Variants in USH2A observed in about 807,000 individuals in gnomAD.
USH2A encodes Usher syndrome 2A (autosomal recessive, mild).
USH2A carries 443 observed loss-of-function variants against 538.9 expected under a neutral mutation model. The observed-to-expected ratio is 0.82, with a 90% CI of 0.76 to 0.89. The LOEUF (loss-of-function observed/expected upper bound fraction) is 0.89, where lower values mean the gene tolerates loss of function less well. Among genes scored for constraint, USH2A ranks in the 40% least tolerant of loss-of-function variants. USH2A has a pLI of 0.00. For synonymous variants in USH2A, 2,413 were observed against 2,273.5 expected (o/e 1.06, Z -1.75); for missense variants, 6,633 against 6,324.8 (o/e 1.05, Z -1.65).
chr1:215,964,766 G>A (rs111834885), intron 37 of USH2A, among the ~76,000 whole-genome samples: 2 of 152,054 alleles, frequency 1.3e-5, no homozygotes, highest in Non-Finnish European at 2.9e-5. Context: ...CTAACTTATT[G>A]AATCAGATAG....
In USH2A at chr1:216,046,497, G is replaced by C; in HGVS notation, c.6259C>G (p.Gln2087Glu). ...CTCCCATCCATGTATAAACAGTACT[G>C]AGTTATAATACCATTTGCCTTTTTG... ...PPKKANGIITQYCLYMDGRLI... is the reference protein window; with the variant it reads ...PPKKANGIITEYCLYMDGRLI... The change falls in exon 32 of 72, where the codon CAG becomes GAG. Residue 2087 changes from glutamine (Q) to glutamate (E), a missense_variant. Physicochemically the swap from Gln to Glu is conservative, Grantham distance 29 (BLOSUM62 2). Transcript: ENST00000307340. 1 of 1,613,834 alleles carries C rather than the reference G, an allele frequency of 6.2e-7. No homozygotes were observed. The highest frequency in any genetic ancestry group is 8.5e-7 in the Non-Finnish European group (1 of 1,179,824).
chr1:216,072,863 A>C, intron 29 of USH2A, 26 bp downstream of exon 29: 1 of 1,581,794 alleles, frequency 6.3e-7, no homozygotes, highest in Non-Finnish European at 8.7e-7. Context: ...GTGTGTGCAC[A>C]TATGCATTTG....
intron 21 of USH2A, among the ~76,000 whole-genome samples, chr1:216,154,769 T>C (rs1343094756): frequency 2.0e-5 from 3 of 152,224 alleles, no homozygotes; most frequent in Non-Finnish European, 4.4e-5. Flanking sequence ...CTTTCCTTTG[T>C]ATTGCTTACT....
At chr1:216,262,899 AAAAAAAG>A (rs1329784849) in intron 11 of USH2A, among the ~76,000 whole-genome samples, 1 of 152,062 alleles carries the variant, frequency 6.6e-6, no homozygotes, top group Non-Finnish European at 1.5e-5. Flanking sequence ...CTAGACTGAG[AAAAAAAG>A]AAAAAAGACT....
At chr1:216,134,058 G>C (rs1015305075) in intron 21 of USH2A, among the ~76,000 whole-genome samples, 1 of 152,050 alleles carries the variant, frequency 6.6e-6, no homozygotes, top group Non-Finnish European at 1.5e-5. Context: ...TACTAATACA[G>C]AGTCTTTTTG....
intron 21 of USH2A, among the ~76,000 whole-genome samples, chr1:216,119,124 T>C (rs1018019674): frequency 6.6e-6 from 1 of 151,766 alleles, no homozygotes; most frequent in African/African-American, 2.4e-5. Flanking sequence ...TAGGATGGTC[T>C]TATATGAACT....
At chr1:215,927,487 A>T (rs1666264660) in intron 38 of USH2A, among the ~76,000 whole-genome samples, 1 of 152,160 alleles carries the variant, frequency 6.6e-6, no homozygotes, top group African/African-American at 2.4e-5. Flanking sequence ...ATGTGTTCTA[A>T]ATTAAAGTTG....
At chr1:216,231,249 TTATATATATAA>T (rs1453533432) in intron 14 of USH2A, among the ~76,000 whole-genome samples, 8 of 83,746 alleles carry the variant, frequency 9.6e-5, no homozygotes, top group African/African-American at 3.7e-4. Flanking sequence ...TATATATATA[TTATATATATAA>T]TATATATATA....
chr1:215,683,216 TACACACACACACACACACACACACAC>T (rs71167830), intron 61 of USH2A, among the ~76,000 whole-genome samples: 1 of 149,578 alleles, frequency 6.7e-6, no homozygotes, highest in Non-Finnish European at 1.5e-5. Flanking sequence ...AATAGTTTTA[TACACACACACACACACACACACACAC>T]ACACACACAC....
chr1:216,158,902 TCAGAGTGGAGGTCCTA>T (rs1223618086), intron 21 of USH2A, among the ~76,000 whole-genome samples: 1 of 152,196 alleles, frequency 6.6e-6, no homozygotes, highest in Non-Finnish European at 1.5e-5. Flanking sequence ...TTTGTAGTTT[TCAGAGTGGAGGTCCTA>T]CATTACCTTT....
chr1:215,837,856 CA>C (rs1663574600), intron 47 of USH2A, 134 bp downstream of exon 47: 1 of 756,320 alleles, frequency 1.3e-6, no homozygotes, highest in Non-Finnish European at 2.3e-6. Context: ...GAAATAATAT[CA>C]AAAATTTGAT....
chr1:216,181,136 A>C (rs543032407), intron 20 of USH2A, among the ~76,000 whole-genome samples: 2 of 152,240 alleles, frequency 1.3e-5, no homozygotes, highest in East Asian at 1.9e-4. Context: ...TATTACTAGA[A>C]GATCTGGAAA....
intron 44 of USH2A, among the ~76,000 whole-genome samples, chr1:215,851,372 A>T (rs1289761988): frequency 2.0e-5 from 3 of 152,162 alleles, no homozygotes; most frequent in Non-Finnish European, 4.4e-5. Context: ...GAGACATTAC[A>T]ACTGATACCA....
intron 64 of USH2A, among the ~76,000 whole-genome samples, chr1:215,651,344 T>C (rs571924721): frequency 1.3e-5 from 2 of 152,188 alleles, no homozygotes; most frequent in Non-Finnish European, 2.9e-5. Context: ...AGTAAGTAAT[T>C]TGTAGAATGT....
chr1:215,638,417 C>A (rs1241029729), intron 69 of USH2A, among the ~76,000 whole-genome samples: 1 of 151,432 alleles, frequency 6.6e-6, no homozygotes, highest in African/African-American at 2.4e-5. Flanking sequence ...GTCAGGAGTT[C>A]GAGACCTCCC....
At chr1:216,205,410 C>T (rs2035089264) in intron 16 of USH2A, among the ~76,000 whole-genome samples, 4 of 152,116 alleles carry the variant, frequency 2.6e-5, no homozygotes, top group Admixed American at 2.6e-4. Context: ...TCATGAAGTT[C>T]AGAGTTTCCA....
At chr1:215,872,525 A>G (rs1664649944) in intron 43 of USH2A, among the ~76,000 whole-genome samples, 1 of 152,208 alleles carries the variant, frequency 6.6e-6, no homozygotes, top group African/African-American at 2.4e-5. Flanking sequence ...TGTCATCACC[A>G]TGAGAAAGAA....
At chr1:216,226,543 C>T (rs1283444563) in intron 14 of USH2A, among the ~76,000 whole-genome samples, 3 of 152,186 alleles carry the variant, frequency 2.0e-5, no homozygotes, top group African/African-American at 7.2e-5. Context: ...CCAAAGCAGT[C>T]TATTGTCTCT....
chr1:216,213,963 G>C (rs1313162027), intron 15 of USH2A, among the ~76,000 whole-genome samples: 1 of 151,964 alleles, frequency 6.6e-6, no homozygotes, highest in Non-Finnish European at 1.5e-5. Flanking sequence ...TTCAACATTA[G>C]TCAGCAGGAA....
Sources: gnomAD v4.1 joint callset for allele counts (sites outside exome capture counted in the v4.1 genomes callset) on GRCh38, gnomAD v4.1.1 for gene constraint, MANE v1.5 for transcripts, NCBI Gene and HGNC (gene_info 2026-07-23, HGNC 2026-07-21) for gene names.